MEIOB: variants seen among roughly 807,000 people sequenced by gnomAD.
MEIOB encodes meiosis-specific with OB domain-containing protein.
In MEIOB, 50 loss-of-function variants were observed where a neutral mutation model predicts 53.1. The observed-to-expected ratio is 0.94, with a 90% CI of 0.75 to 1.19. The LOEUF (loss-of-function observed/expected upper bound fraction) is 1.19. MEIOB is among the 50% of genes most tolerant of loss of function. The pLI, the probability that MEIOB is intolerant of heterozygous loss-of-function variation, is 0.00. For missense variants in MEIOB, 551 were observed against 550.8 expected (o/e 1.00, Z 0.00); for synonymous variants, 192 against 182.5 (o/e 1.05, Z -0.42).
intron 9 of MEIOB, among the ~76,000 whole-genome samples, chr16:1,850,116 A>G (rs1037290690): frequency 4.6e-5 from 7 of 152,308 alleles, no homozygotes; most frequent in Non-Finnish European, 7.3e-5. Flanking sequence ...AGCCAAATGC[A>G]CAACATCCTA....
Position 1,834,648 on chromosome 16 carries a change from C to G in MEIOB, c.1306-282G>C, listed in dbSNP as rs193273806. Among the ~76,000 whole-genome samples the G allele has an allele frequency of 8.3e-4, 126 of 152,256 alleles. 1 individual carries two copies. Among genetic ancestry groups the G allele is most frequent in the Middle Eastern group, 3.4e-3 (1 of 294 alleles). On this transcript the variant is annotated intron_variant, in intron 13 of 13. Coordinates refer to ENST00000325962, the MANE Select transcript of MEIOB (RefSeq NM_001163560.3). ...GTTGGGATTAAAAGTCTAATGTGGCCGGGTGCTGGTGCAGTGGCTCACGCC... is the reference window on the plus strand; with the variant it reads ...GTTGGGATTAAAAGTCTAATGTGGCGGGGTGCTGGTGCAGTGGCTCACGCC...
intron 6 of MEIOB, among the ~76,000 whole-genome samples, chr16:1,855,362 G>A (rs1899273719): frequency 6.6e-6 from 1 of 152,134 alleles, no homozygotes; most frequent in Non-Finnish European, 1.5e-5. Context: ...AACCCGGGAG[G>A]TGGAGGTTGC....
chr16:1,852,714 C>T (rs902930974), intron 9 of MEIOB, among the ~76,000 whole-genome samples: 1 of 151,940 alleles, frequency 6.6e-6, no homozygotes, highest in Non-Finnish European at 1.5e-5. Context: ...CACCACCAAG[C>T]CCAGCTAATT....
In MEIOB at chr16:1,860,549, C is replaced by T. The variant is rs1899416000; in HGVS notation, c.260-74G>A. 27 of 839,198 alleles carry T rather than the reference C, an allele frequency of 3.2e-5. No homozygotes were observed. The South Asian group carries it at 4.0e-4, about 13-fold the overall frequency. The allele number at this position is 839,198 out of a possible 1,614,324, so 52.0% of individuals were successfully genotyped here. ...AAACACTAACATCCTAAATAACATC[C>T]TGTTTAATTTATGATCATCATCGAC... On this transcript the variant is annotated intron_variant, in intron 4 of 13. Transcript: ENST00000325962.
intron 1 of MEIOB, among the ~76,000 whole-genome samples, chr16:1,870,094 G>A (rs1043133646): frequency 2.0e-3 from 306 of 150,426 alleles, no homozygotes; most frequent in African/African-American, 7.2e-3. Context: ...GGATGGTCTC[G>A]ATCTCCTGAC....
At chr16:1,857,375 TC>T (rs1462196018) in intron 6 of MEIOB, among the ~76,000 whole-genome samples, 1 of 152,180 alleles carries the variant, frequency 6.6e-6, no homozygotes, top group Non-Finnish European at 1.5e-5. Flanking sequence ...CTTAACTTAT[TC>T]AACTACGCCC....
At chr16:1,861,426 G>A (rs394866) in intron 4 of MEIOB, among the ~76,000 whole-genome samples, 125,372 of 151,832 alleles carry the variant, frequency 0.83, 51,876 homozygotes, top group Middle Eastern at 0.9. Flanking sequence ...AAATGGGTTG[G>A]TGCAAATTGA....
chr16:1,870,874 A>C (rs926445300), intron 1 of MEIOB, among the ~76,000 whole-genome samples: 1 of 152,136 alleles, frequency 6.6e-6, no homozygotes, highest in Non-Finnish European at 1.5e-5. Flanking sequence ...TTACAGCCCA[A>C]AGTGCCAGAC....
intron 9 of MEIOB, among the ~76,000 whole-genome samples, chr16:1,848,355 G>C (rs1899073713): frequency 6.6e-6 from 1 of 151,978 alleles, no homozygotes; most frequent in African/African-American, 2.4e-5. Flanking sequence ...CATCTCTTCA[G>C]GTGAATTAAG....
chr16:1,841,799 A>G lies in MEIOB; in HGVS notation c.1034+21T>C, dbSNP rs181773456. ...TATTTCTTACAAAAATGAATTTGCTAAAAGTGACACGGATCCTTACCATCT... is the reference window on the plus strand; with the variant it reads ...TATTTCTTACAAAAATGAATTTGCTGAAAGTGACACGGATCCTTACCATCT... On this transcript the variant is annotated intron_variant, in intron 11 of 13. Coordinates refer to ENST00000325962, the MANE Select transcript of MEIOB (RefSeq NM_001163560.3). The G allele has an allele frequency of 2.2e-5, 33 of 1,477,446 alleles. No individual in the cohort carries two copies. In the African/African-American group the frequency reaches 4.6e-4, roughly 20 times the overall value. 91.5% of individuals were successfully genotyped at this position (1,477,446 alleles called of 1,614,324 possible).
intron 6 of MEIOB, among the ~76,000 whole-genome samples, chr16:1,855,816 C>A (rs976055744): frequency 1.3e-5 from 2 of 152,178 alleles, no homozygotes; most frequent in Admixed American, 1.3e-4. Context: ...GCAGGCATGT[C>A]CTCCACAGCC....
chr16:1,857,684 C>A, intron 6 of MEIOB, 51 bp downstream of exon 6: 1 of 1,429,264 alleles, frequency 7.0e-7, no homozygotes, highest in South Asian at 1.3e-5. Flanking sequence ...GATCAAGTGA[C>A]TGCACCTCCC....
chr16:1,868,651 C>T (rs192572549), intron 1 of MEIOB, among the ~76,000 whole-genome samples: 2 of 152,040 alleles, frequency 1.3e-5, no homozygotes, highest in Non-Finnish European at 2.9e-5. Flanking sequence ...GTCAGGAGAT[C>T]GAGACCATCC....
Position 1,837,958 on chromosome 16 carries a change from T to C in MEIOB, c.1219-88A>G, listed in dbSNP as rs75334169. On this transcript the variant is annotated intron_variant, in intron 12 of 13. Coordinates refer to ENST00000325962, the MANE Select transcript of MEIOB (RefSeq NM_001163560.3). The stretch of plus-strand genomic sequence containing the variant: ...CAACAGTGTGAAACAAACTTTCTCA[T>C]TAGAAATGAAATTTTATTTGCAGTA... 427 of 1,447,572 alleles carry C rather than the reference T, an allele frequency of 2.9e-4. No individual in the cohort carries two copies. In the African/African-American group the frequency reaches 5.5e-3, roughly 19 times the overall value. The allele number at this position is 1,447,572 out of a possible 1,614,324, so 89.7% of individuals were successfully genotyped here.
intron 10 of MEIOB, among the ~76,000 whole-genome samples, chr16:1,844,643 G>T (rs1461306617): frequency 6.6e-6 from 1 of 151,924 alleles, no homozygotes; most frequent in East Asian, 1.9e-4. Flanking sequence ...TGTGTTTTTA[G>T]TAGAGACGGC....
At chr16:1,861,535 CT>C (rs59561016) in intron 4 of MEIOB, among the ~76,000 whole-genome samples, 2,637 of 89,088 alleles carry the variant, frequency 0.03, 38 homozygotes, top group African/African-American at 0.1. Flanking sequence ...GCATTGCAGT[CT>C]TTTTTTTTTT....
At chr16:1,858,031 C>G in intron 5 of MEIOB, 101 bp from the exon 6 acceptor site, 1 of 729,204 alleles carries the variant, frequency 1.4e-6, no homozygotes, top group Non-Finnish European at 2.2e-6. Context: ...GAAATTTAGA[C>G]AATACTAATA....
intron 9 of MEIOB, among the ~76,000 whole-genome samples, 158 bp downstream of exon 9, chr16:1,852,881 A>T (rs184842544): frequency 2.5e-4 from 38 of 152,308 alleles, no homozygotes; most frequent in African/African-American, 8.2e-4. Context: ...AAAGATATCA[A>T]AGTTCATTGT....
chr16:1,861,877 G>A, intron 4 of MEIOB, 108 bp downstream of exon 4: 1 of 1,162,732 alleles, frequency 8.6e-7, no homozygotes, highest in East Asian at 2.6e-5. Context: ...TAAAGTTCTT[G>A]AGAATTACGA....
Sources: allele counts gnomAD v4.1 joint callset (sites outside exome capture counted in the v4.1 genomes callset), GRCh38; gene constraint gnomAD v4.1.1; transcripts MANE v1.5; gene names NCBI Gene and HGNC (gene_info 2026-07-23, HGNC 2026-07-21).